The following WDPCP variants were observed in gnomAD, a reference collection of about 807,000 sequenced individuals.
WDPCP encodes WD repeat-containing and planar cell polarity effector protein fritz homolog.
A neutral mutation model predicts 93.1 loss-of-function variants in WDPCP; 71 were observed. That is an observed-to-expected ratio of 0.76 (90% CI 0.63 to 0.93). The LOEUF is 0.93. Ranked by LOEUF, WDPCP falls within the 40% of genes least tolerant of loss-of-function variation. The pLI, the probability that WDPCP is intolerant of heterozygous loss-of-function variation, is 0.00. For missense variants in WDPCP, 844 were observed against 887.4 expected (o/e 0.95, Z 0.62); for synonymous variants, 315 against 315.0 (o/e 1.00, Z 0.00).
intron 6 of WDPCP, among the ~76,000 whole-genome samples, chr2:63,474,727 T>C (rs1699873685): frequency 6.6e-6 from 1 of 152,162 alleles, no homozygotes; most frequent in African/African-American, 2.4e-5. Context: ...TAGTTCAGTG[T>C]TGGGTTCACG....
chr2:63,323,098 G>A (rs1187297531), intron 12 of WDPCP, among the ~76,000 whole-genome samples: 1 of 152,186 alleles, frequency 6.6e-6, no homozygotes, highest in African/African-American at 2.4e-5. Flanking sequence ...ATTCAGCTCC[G>A]GGGTCCCAAC....
intron 3 of WDPCP, among the ~76,000 whole-genome samples, chr2:63,628,793 C>A (rs1709835781): frequency 6.6e-6 from 1 of 152,332 alleles, no homozygotes; most frequent in East Asian, 1.9e-4. Flanking sequence ...CCTATGGCAA[C>A]TGGCTTAGCA....
At chr2:63,777,869 A>G (rs2103964699) in intron 2 of WDPCP, among the ~76,000 whole-genome samples, 1 of 152,270 alleles carries the variant, frequency 6.6e-6, no homozygotes, top group South Asian at 2.1e-4. Flanking sequence ...TTATGGGTAT[A>G]TATGCATGTC....
chr2:63,788,709 C>T (rs1167400297), intron 2 of WDPCP, among the ~76,000 whole-genome samples: 1 of 152,086 alleles, frequency 6.6e-6, no homozygotes, highest in African/African-American at 2.4e-5. Context: ...AAAATATTGC[C>T]TTAATTTTTT....
intron 2 of WDPCP, among the ~76,000 whole-genome samples, chr2:63,682,902 A>G (rs1668739973): frequency 6.6e-6 from 1 of 152,210 alleles, no homozygotes; most frequent in South Asian, 2.1e-4. Flanking sequence ...TAAGACATAG[A>G]TGCTGCACTA....
rs540059629 is a variant in WDPCP, at chr2:63,286,944, C to T, written c.1812+26304G>A. Among the ~76,000 whole-genome samples, 33 of 152,252 alleles carry T rather than the reference C, an allele frequency of 2.2e-4. 1 individual carries two copies. Among genetic ancestry groups the T allele is most frequent in the Admixed American group, 1.5e-3 (23 of 15,292 alleles). ...TCATAACAAAATACCACAGAGTGGG[C>T]GGCCTAAACAACAGAAATTTATTTT... is the stretch of plus-strand genomic sequence containing the variant. On this transcript the variant is annotated intron_variant, in intron 13 of 17. Transcript: ENST00000272321.
At chr2:63,654,287 A>G (rs1162766942) in intron 2 of WDPCP, among the ~76,000 whole-genome samples, 1 of 152,214 alleles carries the variant, frequency 6.6e-6, no homozygotes, top group African/African-American at 2.4e-5. Flanking sequence ...AGGCACAGAG[A>G]GAAAAAGATT....
chr2:63,314,713 C>G (rs951424803), intron 12 of WDPCP, among the ~76,000 whole-genome samples: 1 of 152,100 alleles, frequency 6.6e-6, no homozygotes, highest in African/African-American at 2.4e-5. Context: ...CTCCAATCTC[C>G]TCAATAACCT....
Position 63,766,479 on chromosome 2 carries a change from A to G in WDPCP, n.308+47143T>C, listed in dbSNP as rs1443435996. On this transcript the variant is annotated intron_variant and non_coding_transcript_variant, in intron 2 of 4. Coordinates refer to the WDPCP transcript ENST00000467687. ...CATTTAGCTGGGACTATAGGCGTGT[A>G]CTACCATGCCTAGCCAATATTAATT... 2.0e-5 allele frequency among the ~76,000 whole-genome samples: 3 copies of G among 151,896 alleles called. No homozygotes were observed. In the East Asian group the frequency reaches 5.8e-4, roughly 29 times the overall value.
chr2:63,736,283 A>G (rs1237161614), intron 2 of WDPCP, among the ~76,000 whole-genome samples: 2 of 152,242 alleles, frequency 1.3e-5, no homozygotes, highest in East Asian at 1.9e-4. Context: ...TTTCAAATAA[A>G]TAGCAAACAA....
chr2:63,199,373 C>G (rs1675709815), intron 14 of WDPCP, among the ~76,000 whole-genome samples: 1 of 152,200 alleles, frequency 6.6e-6, no homozygotes, highest in Non-Finnish European at 1.5e-5. Context: ...CCCCTCCTAT[C>G]ACAAGCCTGG....
At chr2:63,479,493 A>G (rs907273124) in intron 6 of WDPCP, among the ~76,000 whole-genome samples, 1 of 152,220 alleles carries the variant, frequency 6.6e-6, no homozygotes, top group East Asian at 1.9e-4. Context: ...CACCATGAGC[A>G]AGTGGGTTTC....
chr2:63,743,610 T>C (rs1669755796), intron 2 of WDPCP, among the ~76,000 whole-genome samples: 1 of 152,130 alleles, frequency 6.6e-6, no homozygotes, highest in Non-Finnish European at 1.5e-5. Context: ...AAGTTATGAA[T>C]ACTTGCATGA....
chr2:63,152,985 T>C (rs1222828346), intron 16 of WDPCP, 40 bp from the exon 17 acceptor site: 1 of 1,588,402 alleles, frequency 6.3e-7, no homozygotes, highest in Non-Finnish European at 8.6e-7. Context: ...CTTAAAAGTC[T>C]AATAATGGAC....
intron 2 of WDPCP, among the ~76,000 whole-genome samples, chr2:63,706,243 C>CTT (rs1669150495): frequency 6.6e-6 from 1 of 151,902 alleles, no homozygotes; most frequent in Non-Finnish European, 1.5e-5. Flanking sequence ...GGTCTTGACT[C>CTT]TATCCAATTT....
intron 1 of WDPCP, among the ~76,000 whole-genome samples, chr2:63,501,663 C>A (rs1375745881): frequency 6.6e-6 from 1 of 152,150 alleles, no homozygotes. Context: ...GTCAGCCAGG[C>A]GGGAGTGCAG....
chr2:63,428,276 C>A (rs530020506), intron 9 of WDPCP, among the ~76,000 whole-genome samples: 1 of 151,706 alleles, frequency 6.6e-6, no homozygotes. Flanking sequence ...GGCAGAGACA[C>A]AACAAAAAAA....
At chr2:63,262,961 T>C (rs1327824747) in intron 13 of WDPCP, among the ~76,000 whole-genome samples, 4 of 152,182 alleles carry the variant, frequency 2.6e-5, no homozygotes, top group African/African-American at 9.6e-5. Context: ...CCCATGAAAG[T>C]CTTAATTTCA....
chr2:63,643,588 A>AG (rs1710010358), intron 3 of WDPCP: 1 of 433,162 alleles, frequency 2.3e-6, no homozygotes, highest in African/African-American at 2.0e-5. Context: ...CACCTTGATG[A>AG]GGGGATCAGG....
Sources: gnomAD v4.1 joint callset for allele counts (sites outside exome capture counted in the v4.1 genomes callset) on GRCh38, gnomAD v4.1.1 for gene constraint, MANE v1.5 for transcripts, NCBI Gene and HGNC (gene_info 2026-07-23, HGNC 2026-07-21) for gene names.